The following ADAMTSL3 variants were observed in gnomAD, a reference collection of about 807,000 sequenced individuals.
The protein encoded by ADAMTSL3 is ADAMTS like 3, also known as ADAMTS-like protein 3.
ADAMTSL3 carries 128 observed loss-of-function variants against 201.7 expected under a neutral mutation model. That is an observed-to-expected ratio of 0.63 (90% CI 0.55 to 0.73). ADAMTSL3 has a LOEUF of 0.73. Ranked by LOEUF, ADAMTSL3 falls within the 30% of genes least tolerant of loss-of-function variation. ADAMTSL3 has a pLI of 0.00. For synonymous variants in ADAMTSL3, 738 were observed against 748.4 expected (o/e 0.99, Z 0.23); for missense variants, 1,990 against 2,119.6 (o/e 0.94, Z 1.20).
intron 8 of ADAMTSL3, among the ~76,000 whole-genome samples, chr15:83,864,040 A>T (rs2064923559): frequency 6.6e-6 from 1 of 152,198 alleles, no homozygotes; most frequent in Non-Finnish European, 1.5e-5. Flanking sequence ...CTTGATATAT[A>T]CACCCTCCCA....
intron 6 of ADAMTSL3, among the ~76,000 whole-genome samples, chr15:83,833,001 G>GAATAAA (rs1203968166): frequency 6.6e-6 from 1 of 152,118 alleles, no homozygotes; most frequent in African/African-American, 2.4e-5. Flanking sequence ...TTAGAATTTA[G>GAATAAA]AATAAAAATA....
chr15:83,709,458 G>A lies in ADAMTSL3; in HGVS notation c.189+4950G>A, dbSNP rs111557273. Among the ~76,000 whole-genome samples the A allele has an allele frequency of 2.8e-3, 430 of 152,246 alleles. 1 individual carries two copies. The highest frequency in any genetic ancestry group is 0.01 in the Middle Eastern group (3 of 294). On this transcript the variant is annotated intron_variant, in intron 3 of 29. Coordinates refer to ENST00000286744, the MANE Select transcript of ADAMTSL3 (RefSeq NM_207517.3). ...TTGGTCATTCCTCATAGTGGTTTTG[G>A]AGTTTTGTCCCATAGAGGACCTGTT...
intron 3 of ADAMTSL3, among the ~76,000 whole-genome samples, chr15:83,763,506 C>CTTT (rs1294346370): frequency 4.5e-5 from 6 of 131,972 alleles, no homozygotes; most frequent in Admixed American, 7.7e-5. Context: ...ACAAATAATT[C>CTTT]TTTTTTTTTT....
intron 20 of ADAMTSL3, among the ~76,000 whole-genome samples, chr15:83,976,142 C>T (rs984763129): frequency 1.4e-4 from 21 of 152,044 alleles, no homozygotes; most frequent in Admixed American, 2.6e-4. Flanking sequence ...CAGCTGGCTT[C>T]GGTAGTAGGG....
At chr15:83,730,206 A>G (rs751937344) in intron 3 of ADAMTSL3, among the ~76,000 whole-genome samples, 13 of 152,132 alleles carry the variant, frequency 8.5e-5, no homozygotes, top group Non-Finnish European at 1.8e-4. Context: ...ACATCTAAAA[A>G]CTGAAATTAA....
intron 25 of ADAMTSL3, among the ~76,000 whole-genome samples, chr15:84,018,486 A>G (rs1236319761): frequency 6.6e-6 from 1 of 152,264 alleles, no homozygotes; most frequent in Non-Finnish European, 1.5e-5. Context: ...TGAGATACAC[A>G]GTGATAGGAG....
intron 16 of ADAMTSL3, among the ~76,000 whole-genome samples, chr15:83,922,211 T>TG (rs1477708781): frequency 1.3e-5 from 2 of 152,190 alleles, no homozygotes; most frequent in Admixed American, 1.3e-4. Flanking sequence ...ATGTATGGGA[T>TG]GGGAGATATT....
chr15:83,810,210 C>T (rs574255394), intron 5 of ADAMTSL3, among the ~76,000 whole-genome samples: 1 of 152,314 alleles, frequency 6.6e-6, no homozygotes, highest in East Asian at 1.9e-4. Context: ...GAGCACGATG[C>T]AAATGCTTCA....
intron 7 of ADAMTSL3, among the ~76,000 whole-genome samples, chr15:83,852,652 C>T (rs903820718): frequency 6.6e-6 from 1 of 152,072 alleles, no homozygotes; most frequent in Non-Finnish European, 1.5e-5. Context: ...AATTCTCCTG[C>T]TAATTTGTGT....
In ADAMTSL3 at chr15:83,734,167, A is replaced by G. The variant is rs563840870; in HGVS notation, c.189+29659A>G. On this transcript the variant is annotated intron_variant, in intron 3 of 29. Transcript: ENST00000286744. ...GCATTAAGTCCAGATAGTAATTTTT[A>G]TGGTAACAATTTATGATGTATTTTT... Among the ~76,000 whole-genome samples, 6 of 152,330 alleles carry G rather than the reference A, an allele frequency of 3.9e-5. No homozygotes were observed. The South Asian group carries it at 1.0e-3, about 26-fold the overall frequency.
chr15:83,825,579 A>G (rs1301318478), intron 6 of ADAMTSL3, among the ~76,000 whole-genome samples: 1 of 152,110 alleles, frequency 6.6e-6, no homozygotes, highest in Non-Finnish European at 1.5e-5. Context: ...TGATTGTACC[A>G]CTGTACTCCA....
At chr15:83,758,693 T>C (rs1430962388) in intron 3 of ADAMTSL3, among the ~76,000 whole-genome samples, 15 of 152,248 alleles carry the variant, frequency 9.9e-5, no homozygotes, top group Admixed American at 9.8e-4. Context: ...TTATTGACCA[T>C]TTATATATCT....
At chr15:84,019,200 T>C (rs570578264) in intron 25 of ADAMTSL3, among the ~76,000 whole-genome samples, 3 of 151,610 alleles carry the variant, frequency 2.0e-5, no homozygotes, top group South Asian at 4.2e-4. Flanking sequence ...CTCAGTGACA[T>C]ACAATTTCAT....
intron 5 of ADAMTSL3, among the ~76,000 whole-genome samples, chr15:83,808,981 G>A (rs892590886): frequency 6.6e-6 from 1 of 151,880 alleles, no homozygotes; most frequent in African/African-American, 2.4e-5. Flanking sequence ...ACCAGAGACT[G>A]GGGAGGACAG....
At chr15:83,738,891 A>G (rs1272542942) in intron 3 of ADAMTSL3, among the ~76,000 whole-genome samples, 2 of 152,008 alleles carry the variant, frequency 1.3e-5, no homozygotes, top group African/African-American at 2.4e-5. Context: ...GCAAGACTCC[A>G]TATCAAAAAC....
intron 6 of ADAMTSL3, among the ~76,000 whole-genome samples, chr15:83,828,795 T>G (rs1263870882): frequency 6.6e-6 from 1 of 152,234 alleles, no homozygotes; most frequent in Admixed American, 6.5e-5. Context: ...ATATGGTTTT[T>G]GTCTTTGTTT....
At position 83,942,755 on chromosome 15, in the gene ADAMTSL3, C is replaced by T. The variant is rs1234191392; in HGVS notation, c.2277C>T (p.Cys759=). ...HALQACNQFD[C]PPGWHIEEWQ... is the part of the protein sequence containing the mutation. ...TACAAGCATGCAATCAGTTTGACTG[C>T]CCTCCTGGCTGGCACATTGAAGAAT... The change falls in exon 18 of 30, where the codon TGC becomes TGT. Residue 759 remains cysteine, a synonymous_variant. Coordinates refer to ENST00000286744, the MANE Select transcript of ADAMTSL3 (RefSeq NM_207517.3). 1 of 1,613,762 alleles carries T rather than the reference C, an allele frequency of 6.2e-7. No homozygotes were observed. Among genetic ancestry groups the T allele is most frequent in the Non-Finnish European group, 8.5e-7 (1 of 1,179,952 alleles).
Position 83,855,808 on chromosome 15 carries a change from T to C in ADAMTSL3, c.728-2958T>C, listed in dbSNP as rs145126359. Among the ~76,000 whole-genome samples the C allele has an allele frequency of 9.2e-5, 14 of 152,258 alleles. No individual in the cohort carries two copies. In the East Asian group the frequency reaches 2.3e-3, roughly 25 times the overall value. The stretch of plus-strand genomic sequence containing the variant: ...TATGGAGGAGAGGATTTTTCAGAAG[T>C]CTTTATCACTTTTGCTTGTTTGTTC... On this transcript the variant is annotated intron_variant, in intron 7 of 29. Coordinates refer to ENST00000286744, the MANE Select transcript of ADAMTSL3 (RefSeq NM_207517.3).
intron 2 of ADAMTSL3, among the ~76,000 whole-genome samples, chr15:83,673,513 C>T (rs1409886960): frequency 1.3e-5 from 2 of 152,176 alleles, no homozygotes; most frequent in African/African-American, 2.4e-5. Flanking sequence ...GACCCTCTCT[C>T]ATGCCCTTCC....
Sources: gnomAD v4.1 joint callset for allele counts (sites outside exome capture counted in the v4.1 genomes callset) on GRCh38, gnomAD v4.1.1 for gene constraint, MANE v1.5 for transcripts, NCBI Gene and HGNC (gene_info 2026-07-23, HGNC 2026-07-21) for gene names.